GPR25: variants seen among roughly 807,000 people sequenced by gnomAD.
GPR25 encodes the protein C-X-C chemokine receptor GPR25.
For missense variants in GPR25, 501 were observed against 503.0 expected (o/e 1.00, Z 0.04); for synonymous variants, 280 against 264.9 (o/e 1.06, Z -0.55).
Position 200,873,267 on chromosome 1 carries a change from T to G in GPR25, c.230T>G (p.Phe77Cys). The G allele has an allele frequency of 6.4e-7, 1 of 1,563,696 alleles. No homozygotes were observed. The highest frequency in any genetic ancestry group is 8.6e-7 in the Non-Finnish European group (1 of 1,159,490). ...RRGPRRLVDT[F>C]VLHLAAADLG... The stretch of plus-strand genomic sequence containing the variant: ...GGCCCGCGGCGGCTGGTGGATACCT[T>G]CGTGCTGCACCTGGCGGCAGCTGAC... Residue 77 changes from phenylalanine (F) to cysteine (C), a missense_variant, in exon 1 of 1, where the codon TTC (phenylalanine) becomes TGC (cysteine). Phe to Cys is a radical substitution (Grantham distance 205). Coordinates refer to ENST00000304244, the MANE Select transcript of GPR25 (RefSeq NM_005298.4).
chr1:200,873,086 G>A lies in GPR25; in HGVS notation c.49G>A (p.Asp17Asn). 1.3e-6 allele frequency: 2 copies of A among 1,582,766 alleles called. No individual in the cohort carries two copies. The highest frequency in any genetic ancestry group is 1.1e-5 in the South Asian group (1 of 87,220). ...WSPSPGSAPWDYSGLDGLEEL... is the reference protein window; with the variant it reads ...WSPSPGSAPWNYSGLDGLEEL... ...CCCCAGCCCGGGGTCAGCGCCCTGG[G>A]ACTACTCGGGGTTGGACGGCCTGGA... Residue 17 changes from aspartate (D) to asparagine (N), a missense_variant, in exon 1 of 1, where the codon GAC (aspartate) becomes AAC (asparagine). Transcript: ENST00000304244.
chr1:200,873,081 C>G lies in GPR25; in HGVS notation c.44C>G (p.Pro15Arg). The G allele has an allele frequency of 6.3e-7, 1 of 1,579,190 alleles. No individual in the cohort carries two copies. The highest frequency in any genetic ancestry group is 8.6e-7 in the Non-Finnish European group (1 of 1,166,774). Residue 15 changes from proline (P) to arginine (R), a missense_variant, in exon 1 of 1, where the codon CCC (proline) becomes CGC (arginine). Transcript: ENST00000304244. ...TGGAGCCCCAGCCCGGGGTCAGCGC[C>G]CTGGGACTACTCGGGGTTGGACGGC... ...EPWSPSPGSAPWDYSGLDGLE... is the reference protein window; with the variant it reads ...EPWSPSPGSARWDYSGLDGLE...
Position 200,874,072 on chromosome 1 carries a change from C to T in GPR25, c.1035C>T (p.Ser345=), listed in dbSNP as rs759541699. The T allele has an allele frequency of 6.3e-6, 10 of 1,597,396 alleles. 1 individual carries two copies. Among genetic ancestry groups the T allele is most frequent in the African/African-American group, 1.3e-5 (1 of 74,652 alleles). Residue 345 remains serine (S), a synonymous_variant, in exon 1 of 1, where the codon TCC becomes TCT. Coordinates refer to ENST00000304244, the MANE Select transcript of GPR25 (RefSeq NM_005298.4). ...SASSLSRDDS[S]VFRCRAQAAN... is the part of the protein sequence containing the mutation. ...CCTCGCTCTCCAGGGACGACAGTTC[C>T]GTGTTCCGTTGCCGGGCCCAGGCCG... is the stretch of plus-strand genomic sequence containing the variant.
chr1:200,873,588 C>G lies in GPR25; in HGVS notation c.551C>G (p.Pro184Arg). Residue 184 changes from proline (P) to arginine (R), a missense_variant, in exon 1 of 1, where the codon CCT becomes CGT. Coordinates refer to ENST00000304244, the MANE Select transcript of GPR25 (RefSeq NM_005298.4). ...GTCTACCGGGGGTTGCAGCCCCTGC[C>G]TGGGGGCCAGGACAGCCAGTGCGGC... is the stretch of plus-strand genomic sequence containing the variant. ...SLVYRGLQPL[P>R]GGQDSQCGEE... The G allele has an allele frequency of 6.3e-7, 1 of 1,589,078 alleles. No individual in the cohort carries two copies. Among genetic ancestry groups the G allele is most frequent in the South Asian group, 1.1e-5 (1 of 90,018 alleles).
In GPR25 at chr1:200,873,767, C is replaced by A; in HGVS notation, c.730C>A (p.Arg244Ser). ...HVGRARRNSL[R>S]IIFAIESTFV... is the part of the protein sequence containing the mutation. ...GGGTCGGGCCCGGAGGAACTCGCTG[C>A]GCATCATCTTCGCCATCGAGAGCAC... Residue 244 changes from arginine (R) to serine (S), a missense_variant, in exon 1 of 1, where the codon CGC becomes AGC. Physicochemically the swap from Arg to Ser is moderately radical, Grantham distance 110. Transcript: ENST00000304244. The A allele has an allele frequency of 6.3e-7, 1 of 1,599,086 alleles. No homozygotes were observed. Among genetic ancestry groups the A allele is most frequent in the Admixed American group, 1.7e-5 (1 of 59,966 alleles).
chr1:200,873,578 C>A lies in GPR25; in HGVS notation c.541C>A (p.Gln181Lys), dbSNP rs773819844. Residue 181 changes from glutamine to lysine, a missense_variant, in exon 1 of 1, where the codon CAG becomes AAG. Transcript: ENST00000304244. ...GLPSLVYRGL[Q>K]PLPGGQDSQC... ...GCCCTCCCTGGTCTACCGGGGGTTGCAGCCCCTGCCTGGGGGCCAGGACAG... is the reference window on the plus strand; with the variant it reads ...GCCCTCCCTGGTCTACCGGGGGTTGAAGCCCCTGCCTGGGGGCCAGGACAG... The A allele has an allele frequency of 8.8e-6, 14 of 1,583,432 alleles. No homozygotes were observed. The highest frequency in any genetic ancestry group is 1.2e-5 in the Non-Finnish European group (14 of 1,172,924).
chr1:200,872,982 G>C lies in GPR25; in HGVS notation c.-56G>C. ...TGAAGAGCAAACCCCCTCCTGCTCA[G>C]AGCTGCTGCCGCCTGCGCCCAGGGC... On this transcript the variant is annotated 5_prime_UTR_variant, in exon 1 of 1. Coordinates refer to ENST00000304244, the MANE Select transcript of GPR25 (RefSeq NM_005298.4). 1 of 1,429,408 alleles carries C rather than the reference G, an allele frequency of 7.0e-7. No homozygotes were observed. The highest frequency in any genetic ancestry group is 9.2e-7 in the Non-Finnish European group (1 of 1,092,832). The allele number at this position is 1,429,408 out of a possible 1,614,324, so 88.5% of individuals were successfully genotyped here.
chr1:200,873,376 G>A lies in GPR25; in HGVS notation c.339G>A (p.Lys113=), dbSNP rs536263225. ...GGCCGTTCGGCGATGGCCTCTGCAAGCTCAGCAGCTTCGCGCTGGCGGGCA... is the reference window on the plus strand; with the variant it reads ...GGCCGTTCGGCGATGGCCTCTGCAAACTCAGCAGCTTCGCGCTGGCGGGCA... ...GRWPFGDGLC[K]LSSFALAGTR... Residue 113 remains lysine, a synonymous_variant, in exon 1 of 1, where the codon AAG becomes AAA. Coordinates refer to ENST00000304244, the MANE Select transcript of GPR25 (RefSeq NM_005298.4). The A allele has an allele frequency of 6.3e-5, 94 of 1,492,992 alleles. No individual in the cohort carries two copies. Among genetic ancestry groups the A allele is most frequent in the Non-Finnish European group, 7.7e-5 (87 of 1,131,284 alleles). The allele number at this position is 1,492,992 out of a possible 1,614,324, so 92.5% of individuals were successfully genotyped here.
chr1:200,873,389 G>C lies in GPR25; in HGVS notation c.352G>C (p.Ala118Pro). 6.7e-7 allele frequency: 1 copy of C among 1,492,216 alleles called. No individual in the cohort carries two copies. The highest frequency in any genetic ancestry group is 8.8e-7 in the Non-Finnish European group (1 of 1,130,780). 92.4% of individuals were successfully genotyped at this position (1,492,216 alleles called of 1,614,324 possible). ...TGGCCTCTGCAAGCTCAGCAGCTTC[G>C]CGCTGGCGGGCACGCGCTGCGCGGG... is the stretch of plus-strand genomic sequence containing the variant. ...GDGLCKLSSF[A>P]LAGTRCAGAL... The change falls in exon 1 of 1, where the codon GCG (alanine) becomes CCG (proline). Residue 118 changes from alanine to proline, a missense_variant. Transcript: ENST00000304244.
rs1028058188 is a variant in GPR25, at chr1:200,873,487, G to A, written c.450G>A (p.Leu150=). The change falls in exon 1 of 1, where the codon CTG becomes CTA. Residue 150 remains leucine, a synonymous_variant. Coordinates refer to ENST00000304244, the MANE Select transcript of GPR25 (RefSeq NM_005298.4). The part of the protein sequence containing the change: ...AVVKLLEARP[L]RTPRCALASC... The stretch of plus-strand genomic sequence containing the variant: ...TGAAGCTGCTCGAGGCGAGGCCACT[G>A]CGCACCCCGCGCTGCGCGCTGGCCT... 1.3e-6 allele frequency: 2 copies of A among 1,562,718 alleles called. No individual in the cohort carries two copies. The highest frequency in any genetic ancestry group is 1.7e-6 in the Non-Finnish European group (2 of 1,163,138).
Position 200,874,031 on chromosome 1 carries a change from A to C in GPR25, c.994A>C (p.Arg332=), listed in dbSNP as rs767277246. 1.9e-6 allele frequency: 3 copies of C among 1,611,262 alleles called. No individual in the cohort carries two copies. In the African/African-American group the frequency reaches 4.0e-5, roughly 22 times the overall value. The change falls in exon 1 of 1, where the codon AGG becomes CGG. Residue 332 remains arginine, a synonymous_variant. Transcript: ENST00000304244. ...CGGGCGCACCGGCCGCCTGGCGCGA[A>C]GGATCAGCTCAGCCTCCTCGCTCTC... ...ACGRTGRLAR[R]ISSASSLSRD... is the part of the protein sequence containing the mutation.
rs1164079080 is a variant in GPR25, at chr1:200,873,325, CGCG to C, written c.298_300del (p.Ala100del). Reference sequence around the variant, plus strand: ...TCGTGCTCACGCTGCCGCTGTGGGCCGCGGCGGCGGCGCTAGGCGGCCGCTGGC... The same window carrying C: ...TCGTGCTCACGCTGCCGCTGTGGGCCGCGGCGGCGCTAGGCGGCCGCTGGC... On this transcript the variant is annotated inframe_deletion, in exon 1 of 1. Coordinates refer to ENST00000304244, the MANE Select transcript of GPR25 (RefSeq NM_005298.4). 6 of 1,495,380 alleles carry C rather than the reference CGCG, an allele frequency of 4.0e-6. No homozygotes were observed. The highest frequency in any genetic ancestry group is 5.3e-6 in the Non-Finnish European group (6 of 1,131,566). 92.6% of individuals were successfully genotyped at this position (1,495,380 alleles called of 1,614,324 possible). A position where few individuals can be genotyped will look rare whatever the true frequency, so the allele number is the denominator to read the frequency against.
At position 200,872,982 on chromosome 1, in the gene GPR25, G is replaced by A. The variant is rs968497; in HGVS notation, c.-56G>A. 0.16 allele frequency: 233,540 copies of A among 1,428,856 alleles called. 19,952 individuals are homozygous for A. Among genetic ancestry groups the A allele is most frequent in the Non-Finnish European group, 0.17 (190,206 of 1,092,434 alleles). The allele number at this position is 1,428,856 out of a possible 1,614,324, so 88.5% of individuals were successfully genotyped here. The stretch of plus-strand genomic sequence containing the variant: ...TGAAGAGCAAACCCCCTCCTGCTCA[G>A]AGCTGCTGCCGCCTGCGCCCAGGGC... On this transcript the variant is annotated 5_prime_UTR_variant, in exon 1 of 1. Coordinates refer to ENST00000304244, the MANE Select transcript of GPR25 (RefSeq NM_005298.4).
Position 200,873,830 on chromosome 1 carries a change from G to T in GPR25, c.793G>T (p.Ala265Ser), listed in dbSNP as rs1473389388. 5 of 1,601,258 alleles carry T rather than the reference G, an allele frequency of 3.1e-6. No individual in the cohort carries two copies. The highest frequency in any genetic ancestry group is 2.5e-6 in the Non-Finnish European group (3 of 1,179,314). The change falls in exon 1 of 1, where the codon GCC becomes TCC. Residue 265 changes from alanine (A) to serine (S), a missense_variant. Transcript: ENST00000304244. Reference protein sequence around the residue: ...GSWLPFSALRAVFHLARLGAL... With the variant: ...GSWLPFSALRSVFHLARLGAL... The stretch of plus-strand genomic sequence containing the variant: ...CTGGCTGCCCTTCAGCGCCCTGCGG[G>T]CCGTCTTCCACCTGGCGCGTCTGGG...
Position 200,873,946 on chromosome 1 carries a change from C to T in GPR25, c.909C>T (p.Asn303=). The T allele has an allele frequency of 6.2e-7, 1 of 1,612,030 alleles. No individual in the cohort carries two copies. Among genetic ancestry groups the T allele is most frequent in the Non-Finnish European group, 8.5e-7 (1 of 1,179,452 alleles). ...TGGCCTTCGTCAACAGCTGCGCCAA[C>T]CCGCTCATCTACCTCCTGCTGGACC... ...TCLAFVNSCA[N]PLIYLLLDRS... Residue 303 remains asparagine (N), a synonymous_variant, in exon 1 of 1, where the codon AAC becomes AAT. Coordinates refer to ENST00000304244, the MANE Select transcript of GPR25 (RefSeq NM_005298.4).
rs772479717 is a variant in GPR25 at position 200,874,060 on chromosome 1, G to A, written c.1023G>A (p.Arg341=). 2 of 1,607,440 alleles carry A rather than the reference G, an allele frequency of 1.2e-6. No individual in the cohort carries two copies. The highest frequency in any genetic ancestry group is 1.7e-6 in the Non-Finnish European group (2 of 1,177,074). The change falls in exon 1 of 1, where the codon AGG becomes AGA. Residue 341 remains arginine (R), a synonymous_variant. Transcript: ENST00000304244. ...TCAGCTCAGCCTCCTCGCTCTCCAG[G>A]GACGACAGTTCCGTGTTCCGTTGCC... ...RRISSASSLS[R]DDSSVFRCRA... is the part of the protein sequence containing the mutation.
Position 200,873,852 on chromosome 1 carries a change from TGGG to T in GPR25, c.818_820del (p.Gly273del). 1 of 1,603,448 alleles carries T rather than the reference TGGG, an allele frequency of 6.2e-7. No homozygotes were observed. The stretch of plus-strand genomic sequence containing the variant: ...CGGGCCGTCTTCCACCTGGCGCGTC[TGGG>T]GGCGCTGCCGCTGCCGTGCCCCCTG... On this transcript the variant is annotated inframe_deletion, in exon 1 of 1. Coordinates refer to ENST00000304244, the MANE Select transcript of GPR25 (RefSeq NM_005298.4).
At position 200,873,388 on chromosome 1, in the gene GPR25, CG is replaced by C; in HGVS notation, c.352del (p.Ala118ArgfsTer16). 6.7e-7 allele frequency: 1 copy of C among 1,491,946 alleles called. No homozygotes were observed. The highest frequency in any genetic ancestry group is 2.8e-5 in the East Asian group (1 of 36,262). The allele number at this position is 1,491,946 out of a possible 1,614,324, so 92.4% of individuals were successfully genotyped here. On this transcript the variant is annotated frameshift_variant, in exon 1 of 1. Coordinates refer to ENST00000304244, the MANE Select transcript of GPR25 (RefSeq NM_005298.4). LOFTEE classifies it low-confidence loss of function (END_TRUNC). ...ATGGCCTCTGCAAGCTCAGCAGCTT[CG>C]CGCTGGCGGGCACGCGCTGCGCGGG... The part of the protein sequence containing the change: ...GDGLCKLSSF[A>X]LAGTRCAGAL...
Position 200,872,993 on chromosome 1 carries a change from G to A in GPR25, c.-45G>A, listed in dbSNP as rs1199305712. The A allele has an allele frequency of 2.1e-6, 3 of 1,440,228 alleles. No homozygotes were observed. Among genetic ancestry groups the A allele is most frequent in the Admixed American group, 2.6e-5 (1 of 38,256 alleles). The allele number at this position is 1,440,228 out of a possible 1,614,324, so 89.2% of individuals were successfully genotyped here. A position where few individuals can be genotyped will look rare whatever the true frequency, so the allele number is the denominator to read the frequency against. ...CCCCCTCCTGCTCAGAGCTGCTGCCGCCTGCGCCCAGGGCTGCACTCCGCG... is the reference window on the plus strand; with the variant it reads ...CCCCCTCCTGCTCAGAGCTGCTGCCACCTGCGCCCAGGGCTGCACTCCGCG... On this transcript the variant is annotated 5_prime_UTR_variant, in exon 1 of 1. Coordinates refer to ENST00000304244, the MANE Select transcript of GPR25 (RefSeq NM_005298.4).
Sources: gnomAD v4.1 joint callset for allele counts on GRCh38, gnomAD v4.1.1 for gene constraint, MANE v1.5 for transcripts, NCBI Gene and HGNC (gene_info 2026-07-23, HGNC 2026-07-21) for gene names.